TRIM2: variants seen among roughly 807,000 people sequenced by gnomAD.
TRIM2 encodes tripartite motif-containing protein 2.
In TRIM2, 20 loss-of-function variants were observed where a neutral mutation model predicts 75.2. The observed-to-expected ratio is 0.27, with a 90% CI of 0.19 to 0.39. The LOEUF (loss-of-function observed/expected upper bound fraction) is 0.39, where lower values mean the gene tolerates loss of function less well. Ranked by LOEUF, TRIM2 falls within the 10% of genes least tolerant of loss-of-function variation. The pLI is 1.00. For missense variants in TRIM2, 660 were observed against 990.8 expected, an observed-to-expected ratio of 0.67 and a Z score of 4.48; for synonymous variants, 373 against 388.3, an observed-to-expected ratio of 0.96 and a Z score of 0.46.
Position 153,219,082 on chromosome 4 carries a change from C to T in TRIM2, c.30+14522C>T, listed in dbSNP as rs185500863. 4.3e-3 allele frequency among the ~76,000 whole-genome samples: 647 copies of T among 152,184 alleles called. 2 individuals are homozygous for T. The highest frequency in any genetic ancestry group is 7.9e-3 in the Admixed American group (120 of 15,276). Reference sequence around the variant, plus strand: ...TCATCCAACTCCTTACTATAGGAAACGAATCTCATATCTCTGTGTGCCCAG... The same window carrying T: ...TCATCCAACTCCTTACTATAGGAAATGAATCTCATATCTCTGTGTGCCCAG... On this transcript the variant is annotated intron_variant, in intron 1 of 11. Coordinates refer to ENST00000338700, the MANE Select transcript of TRIM2 (RefSeq NM_015271.5).
At chr4:153,203,394 TACACACACACACACAC>T (rs35049904), upstream of TRIM2, among the ~76,000 whole-genome samples, 24 of 141,382 alleles carry the variant, frequency 1.7e-4, 1 homozygote, top group South Asian at 5.6e-3. Flanking sequence ...CCCACATCTC[TACACACACACACACAC>T]ACACACACAC....
intron 1 of TRIM2, among the ~76,000 whole-genome samples, chr4:153,230,447 T>C (rs1743320887): frequency 6.6e-6 from 1 of 152,200 alleles, no homozygotes; most frequent in Non-Finnish European, 1.5e-5. Context: ...CTCCCCAAAG[T>C]GCTGGTATTA....
chr4:153,285,155 G>A (rs76514300), intron 3 of TRIM2, among the ~76,000 whole-genome samples: 2 of 152,242 alleles, frequency 1.3e-5, no homozygotes, highest in East Asian at 3.9e-4. Context: ...TTGTACATGT[G>A]AATTTCTAGT....
chr4:153,287,714 G>A (rs11945361), intron 3 of TRIM2, among the ~76,000 whole-genome samples: 59,690 of 152,026 alleles, frequency 0.39, 15,000 homozygotes, highest in African/African-American at 0.72. Flanking sequence ...CTTTTAGCTT[G>A]TATTTATATG....
chr4:153,296,190 C>T (rs1762727978), intron 6 of TRIM2, among the ~76,000 whole-genome samples, 154 bp downstream of exon 6: 1 of 152,092 alleles, frequency 6.6e-6, no homozygotes, highest in South Asian at 2.1e-4. Flanking sequence ...TTTTGTTAGT[C>T]GAGCTTATGC....
At chr4:153,159,911 C>T (rs1183780364) in intron 1 of TRIM2, among the ~76,000 whole-genome samples, 1 of 152,180 alleles carries the variant, frequency 6.6e-6, no homozygotes, top group East Asian at 1.9e-4. Flanking sequence ...AAATATTTAT[C>T]AAATACGTAG....
At chr4:153,170,559 C>G (rs1214611029) in intron 1 of TRIM2, among the ~76,000 whole-genome samples, 1 of 152,152 alleles carries the variant, frequency 6.6e-6, no homozygotes, top group Non-Finnish European at 1.5e-5. Flanking sequence ...CAAACACAAG[C>G]TGGTTAGTAC....
At chr4:153,198,565 G>A (rs2149674102) in intron 1 of TRIM2, among the ~76,000 whole-genome samples, 1 of 152,204 alleles carries the variant, frequency 6.6e-6, no homozygotes, top group African/African-American at 2.4e-5. Context: ...CGTAAAAACG[G>A]ACTAGTACAC....
intron 1 of TRIM2, among the ~76,000 whole-genome samples, chr4:153,243,242 C>T (rs966892834): frequency 6.6e-6 from 1 of 152,190 alleles, no homozygotes; most frequent in Non-Finnish European, 1.5e-5. Flanking sequence ...AACTGAAGCC[C>T]CCCACACAAT....
At chr4:153,249,138 T>C (rs1436085675) in intron 1 of TRIM2, among the ~76,000 whole-genome samples, 2 of 152,276 alleles carry the variant, frequency 1.3e-5, no homozygotes, top group East Asian at 3.8e-4. Context: ...TCAGTTCTTT[T>C]ACAAAGTGGT....
intron 1 of TRIM2, among the ~76,000 whole-genome samples, chr4:153,159,296 CTTTT>C (rs11318531): frequency 4.5e-5 from 4 of 89,158 alleles, no homozygotes; most frequent in Admixed American, 1.6e-4. Context: ...TTTACAAAAT[CTTTT>C]TTTTTTTTTT....
At chr4:153,290,969 C>T (rs189058904) in intron 3 of TRIM2, among the ~76,000 whole-genome samples, 111 of 151,682 alleles carry the variant, frequency 7.3e-4, no homozygotes, top group Admixed American at 6.2e-3. Context: ...AAGAAATTTC[C>T]AGTTAATGTT....
chr4:153,176,259 G>T (rs1331637482), intron 1 of TRIM2, among the ~76,000 whole-genome samples: 1 of 152,002 alleles, frequency 6.6e-6, no homozygotes, highest in Non-Finnish European at 1.5e-5. Flanking sequence ...TTTGAGACCA[G>T]CCTGAGCAAC....
At chr4:153,232,675 A>G (rs1743965008) in intron 1 of TRIM2, among the ~76,000 whole-genome samples, 1 of 152,224 alleles carries the variant, frequency 6.6e-6, no homozygotes, top group Non-Finnish European at 1.5e-5. Flanking sequence ...AAAAGTAGAT[A>G]AAATCAAGAC....
At chr4:153,209,014 C>T (rs1560817622) in intron 1 of TRIM2, among the ~76,000 whole-genome samples, 1 of 152,170 alleles carries the variant, frequency 6.6e-6, no homozygotes, top group Non-Finnish European at 1.5e-5. Context: ...TTTGACAAGA[C>T]TGGAGTCATT....
At chr4:153,239,863 G>A (rs1214927644) in intron 1 of TRIM2, among the ~76,000 whole-genome samples, 6 of 138,570 alleles carry the variant, frequency 4.3e-5, no homozygotes, top group Non-Finnish European at 9.2e-5. Flanking sequence ...GTAAGATGGA[G>A]TCTCGCTCTG....
intron 1 of TRIM2, among the ~76,000 whole-genome samples, chr4:153,209,309 A>G (rs1427478154): frequency 1.3e-5 from 2 of 152,186 alleles, no homozygotes; most frequent in Non-Finnish European, 2.9e-5. Flanking sequence ...ATGCTGTTTT[A>G]TCACTCCGAT....
At position 153,266,336 on chromosome 4, in the gene TRIM2, A is replaced by AT. The variant is rs1351569396; in HGVS notation, c.31-3994dup. Among the ~76,000 whole-genome samples, 16 of 123,696 alleles carry AT rather than the reference A, an allele frequency of 1.3e-4. No homozygotes were observed. In the Admixed American group the frequency reaches 1.3e-3, roughly 10 times the overall value. 81.1% of individuals were successfully genotyped at this position (123,696 alleles called of 152,430 possible). A position where few individuals can be genotyped will look rare whatever the true frequency, so the allele number is the denominator to read the frequency against. ...GTATGTGTGCCACCATGCCTGGCTA[A>AT]TTTTTGGGTTTTTTTTTTTTTTTTT... is the stretch of plus-strand genomic sequence containing the variant. On this transcript the variant is annotated intron_variant, in intron 1 of 11. Coordinates refer to ENST00000338700, the MANE Select transcript of TRIM2 (RefSeq NM_015271.5).
At chr4:153,310,671 C>T (rs778542897) in intron 6 of TRIM2, among the ~76,000 whole-genome samples, 2 of 152,022 alleles carry the variant, frequency 1.3e-5, no homozygotes, top group Admixed American at 6.5e-5. Context: ...ATCTCCAATA[C>T]GACAAAAGAG....
Sources: gnomAD v4.1 joint callset for allele counts (sites outside exome capture counted in the v4.1 genomes callset) on GRCh38, gnomAD v4.1.1 for gene constraint, MANE v1.5 for transcripts, NCBI Gene and HGNC (gene_info 2026-07-23, HGNC 2026-07-21) for gene names.